The following POLL variants were observed in gnomAD, a reference collection of about 807,000 sequenced individuals.
The protein encoded by POLL is DNA polymerase lambda, also known as DNA polymerase beta-2.
Under a neutral mutation model 58.1 loss-of-function variants are expected in POLL, and 44 were observed. The observed-to-expected ratio is 0.76, with a 90% CI of 0.60 to 0.97. The LOEUF (loss-of-function observed/expected upper bound fraction) is 0.97, where lower values mean the gene tolerates loss of function less well. Among genes scored for constraint, POLL ranks in the 50% least tolerant of loss-of-function variants. POLL has a pLI of 0.00. For synonymous variants in POLL, 290 were observed against 283.2 expected, an observed-to-expected ratio of 1.02 and a Z score of -0.24; for missense variants, 632 against 736.8, an observed-to-expected ratio of 0.86 and a Z score of 1.65.
chr10:101,587,243 C>T lies in POLL; in HGVS notation c.115+3G>A, dbSNP rs758445667. ...CGAGGGTTCTGAGACTGGGTCAGCT[C>T]ACCTTCTGCTTCTTCTCCCTCTTCC... is the stretch of plus-strand genomic sequence containing the variant. On this transcript the variant is annotated splice_donor_region_variant and intron_variant, in intron 2 of 8. Transcript: ENST00000370162. 5 of 1,613,892 alleles carry T rather than the reference C, an allele frequency of 3.1e-6. No homozygotes were observed. The East Asian group carries it at 1.1e-4, about 36-fold the overall frequency.
intron 7 of POLL, chr10:101,581,636 T>C (rs983613833): frequency 6.6e-6 from 1 of 152,232 alleles, no homozygotes; most frequent in African/African-American, 2.4e-5. Context: ...ATGATACATC[T>C]AGCCCTAAAT....
chr10:101,579,958 T>C lies in POLL; in HGVS notation c.1364-141A>G. On this transcript the variant is annotated intron_variant, in intron 8 of 8. Coordinates refer to ENST00000370162, the MANE Select transcript of POLL (RefSeq NM_001174084.2). This position sits in a 1 kb window ranked among gnomAD's most constrained non-coding sequence, Gnocchi z 4.4. ...ACTACCCTCTCTGGGCCCTTCTCCT[T>C]TTCTGTAAAACATGGATAGTAATTC... 1.1e-6 allele frequency: 1 copy of C among 920,164 alleles called. No individual in the cohort carries two copies. The highest frequency in any genetic ancestry group is 2.6e-5 in the East Asian group (1 of 37,920). 57.0% of individuals were successfully genotyped at this position (920,164 alleles called of 1,614,324 possible). A position where few individuals can be genotyped will look rare whatever the true frequency, so the allele number is the denominator to read the frequency against.
chr10:101,584,538 C>T, intron 5 of POLL, 64 bp downstream of exon 5: 1 of 1,196,292 alleles, frequency 8.4e-7, no homozygotes, highest in African/African-American at 1.5e-5. Flanking sequence ...TGTACCTGAA[C>T]CCCACTGGGG....
chr10:101,579,593 G>A lies in POLL; in HGVS notation c.1588C>T (p.His530Tyr), dbSNP rs779488625. Residue 530 changes from histidine to tyrosine, a missense_variant, in exon 9 of 9, where the codon CAT becomes TAT. Coordinates refer to ENST00000370162, the MANE Select transcript of POLL (RefSeq NM_001174084.2). The surrounding 1 kb of genome is among the most constrained non-coding windows in gnomAD (Gnocchi z 4.4). The part of the protein sequence containing the change: ...AKTKGMSLSE[H>Y]ALSTAVVRNT... ...CGGACCACAGCAGTGCTGAGGGCAT[G>A]TTCTGACAGACTCATGCCCTTGGTT... 7 of 1,614,064 alleles carry A rather than the reference G, an allele frequency of 4.3e-6. No homozygotes were observed. The East Asian group carries it at 1.6e-4, about 36-fold the overall frequency.
In POLL at chr10:101,586,121, T is replaced by C; in HGVS notation, c.151A>G (p.Thr51Ala). ...TCTGCCCGGGCTCGTCCAATGCCAG[T>C]GCGCACAACATGGGCCCGAAGGGAG... ...LSSLRAHVVR[T>A]GIGRARAELF... Residue 51 changes from threonine (T) to alanine (A), a missense_variant, in exon 3 of 9, where the codon ACT becomes GCT. Coordinates refer to ENST00000370162, the MANE Select transcript of POLL (RefSeq NM_001174084.2). 6.2e-7 allele frequency: 1 copy of C among 1,613,658 alleles called. No individual in the cohort carries two copies. Among genetic ancestry groups the C allele is most frequent in the Non-Finnish European group, 8.5e-7 (1 of 1,179,954 alleles).
At chr10:101,582,976 C>T (rs748567422) in intron 6 of POLL, 85 bp from the exon 7 acceptor site, 28 of 1,546,764 alleles carry the variant, frequency 1.8e-5, no homozygotes, top group South Asian at 5.6e-5. Flanking sequence ...AGGCTTCCAT[C>T]GCCCCAGACT....
intron 6 of POLL, 79 bp from the exon 7 acceptor site, chr10:101,582,970 T>C (rs754244796): frequency 5.7e-6 from 9 of 1,568,340 alleles, no homozygotes; most frequent in Non-Finnish European, 7.9e-6. Flanking sequence ...CACACAAGGC[T>C]TCCATCGCCC....
chr10:101,585,087 G>C (rs753725854), intron 4 of POLL, among the ~76,000 whole-genome samples, 168 bp from the exon 5 acceptor site: 1 of 152,196 alleles, frequency 6.6e-6, no homozygotes, highest in Non-Finnish European at 1.5e-5. Flanking sequence ...GTGAGGCCAC[G>C]TTCCCTTTGG....
chr10:101,581,861 A>G (rs2063011571), intron 7 of POLL: 1 of 151,392 alleles, frequency 6.6e-6, no homozygotes, highest in Non-Finnish European at 1.5e-5. Flanking sequence ...GCTAGAGTGC[A>G]GTGGCACAAT....
Position 101,579,589 on chromosome 10 carries a change from G to A in POLL, c.1592C>T (p.Ala531Val), listed in dbSNP as rs1589655628. ...GTTCCGGACCACAGCAGTGCTGAGG[G>A]CATGTTCTGACAGACTCATGCCCTT... ...KTKGMSLSEHALSTAVVRNTH... is the reference protein window; with the variant it reads ...KTKGMSLSEHVLSTAVVRNTH... Residue 531 changes from alanine (A) to valine (V), a missense_variant, in exon 9 of 9, where the codon GCC becomes GTC. Coordinates refer to ENST00000370162, the MANE Select transcript of POLL (RefSeq NM_001174084.2). The surrounding 1 kb of genome is among the most constrained non-coding windows in gnomAD (Gnocchi z 4.4). The A allele has an allele frequency of 6.2e-7, 1 of 1,613,924 alleles. No homozygotes were observed. Among genetic ancestry groups the A allele is most frequent in the Admixed American group, 1.7e-5 (1 of 60,012 alleles).
intron 6 of POLL, 123 bp downstream of exon 6, chr10:101,583,385 T>C (rs1372100071): frequency 9.4e-7 from 1 of 1,067,522 alleles, no homozygotes; most frequent in African/African-American, 1.6e-5. Context: ...ATGGTCTCCC[T>C]ATACTGTGGG....
Position 101,587,937 on chromosome 10 carries a change from G to A in POLL, c.-162C>T. 8.1e-7 allele frequency: 1 copy of A among 1,235,798 alleles called. No homozygotes were observed. Among genetic ancestry groups the A allele is most frequent in the Non-Finnish European group, 1.0e-6 (1 of 962,948 alleles). 76.6% of individuals were successfully genotyped at this position (1,235,798 alleles called of 1,614,324 possible). On this transcript the variant is annotated 5_prime_UTR_variant, in exon 1 of 9. Coordinates refer to ENST00000370162, the MANE Select transcript of POLL (RefSeq NM_001174084.2). ...GGGGTGCTCAGCGCCGCAGCTGCGG[G>A]GAGATGGGGCACGGCCGCAGCAGGT...
Position 101,579,200 on chromosome 10 carries a change from G to T in POLL, c.*253C>A. On this transcript the variant is annotated 3_prime_UTR_variant, in exon 9 of 9. Transcript: ENST00000370162. This position sits in a 1 kb window ranked among gnomAD's most constrained non-coding sequence, Gnocchi z 4.4. The stretch of plus-strand genomic sequence containing the variant: ...CAAGGGGCCATTTGCAAAATTCTTC[G>T]AGGGGCAGTGGTGAGGTAGAAGGGG... 1 of 499,454 alleles carries T rather than the reference G, an allele frequency of 2.0e-6. No homozygotes were observed. The highest frequency in any genetic ancestry group is 3.5e-6 in the Non-Finnish European group (1 of 282,976). 30.9% of individuals were successfully genotyped at this position (499,454 alleles called of 1,614,324 possible).
intron 2 of POLL, 73 bp downstream of exon 2, chr10:101,587,173 A>T: frequency 6.2e-7 from 1 of 1,612,558 alleles, no homozygotes; most frequent in African/African-American, 1.3e-5. Flanking sequence ...TCTGGACATA[A>T]ACAACGTAGG....
At chr10:101,587,642 G>A (rs1012735407) in intron 1 of POLL, 180 bp downstream of exon 1, 1 of 967,080 alleles carries the variant, frequency 1.0e-6, no homozygotes, top group Admixed American at 3.4e-5. Flanking sequence ...GGGTACTTTT[G>A]AGGAGTAGGA....
intron 2 of POLL, 69 bp from the exon 3 acceptor site, chr10:101,586,225 G>C: frequency 7.4e-7 from 1 of 1,357,328 alleles, no homozygotes. Flanking sequence ...CCCTGGCCAC[G>C]ACATAACTTC....
chr10:101,579,537 G>C lies in POLL; in HGVS notation c.1644C>G (p.Gly548=). ...TCTCAGTGGGAGTGGGCAGCACTCG[G>C]CCAGGCCCCACCTTGCAGCCATGGG... ...RNTHGCKVGP[G]RVLPTPTEKD... is the part of the protein sequence containing the mutation. Residue 548 remains glycine, a synonymous_variant, in exon 9 of 9, where the codon GGC becomes GGG. Transcript: ENST00000370162. This position sits in a 1 kb window ranked among gnomAD's most constrained non-coding sequence, Gnocchi z 4.4. 1 of 1,613,812 alleles carries C rather than the reference G, an allele frequency of 6.2e-7. No individual in the cohort carries two copies. Among genetic ancestry groups the C allele is most frequent in the Non-Finnish European group, 8.5e-7 (1 of 1,179,996 alleles).
Position 101,585,445 on chromosome 10 carries a change from C to A in POLL, c.444G>T (p.Glu148Asp). 1 of 1,586,498 alleles carries A rather than the reference C, an allele frequency of 6.3e-7. No individual in the cohort carries two copies. Among genetic ancestry groups the A allele is most frequent in the Admixed American group, 1.8e-5 (1 of 55,654 alleles). Residue 148 changes from glutamate to aspartate, a missense_variant, in exon 4 of 9, where the codon GAG becomes GAT. Physicochemically the swap from Glu to Asp is conservative, Grantham distance 45. Transcript: ENST00000370162. ...TGCCAGGAGGAATAGAAGCATCCTG[C>A]TCTGCCTTGCTGGGCTGTGGATGGT... ...YLDHPQPSKAEQDASIPPGTH... is the reference protein window; with the variant it reads ...YLDHPQPSKADQDASIPPGTH...
At chr10:101,585,576 T>A in intron 3 of POLL, 98 bp from the exon 4 acceptor site, 2 of 1,161,208 alleles carry the variant, frequency 1.7e-6, no homozygotes, top group Non-Finnish European at 2.4e-6. Context: ...TCCCAGTGTG[T>A]CCAATTAAGA....
Sources: gnomAD v4.1 joint callset for allele counts (sites outside exome capture counted in the v4.1 genomes callset) on GRCh38, gnomAD v4.1.1 for gene constraint, Gnocchi (gnomAD v3.1) non-coding constraint, MANE v1.5 for transcripts, NCBI Gene and HGNC (gene_info 2026-07-23, HGNC 2026-07-21) for gene names.